SNX8: variants seen among roughly 807,000 people sequenced by gnomAD.
SNX8 encodes sorting nexin-8.
SNX8 carries 25 observed loss-of-function variants against 51.6 expected under a neutral mutation model. The ratio of observed to expected loss-of-function variants is 0.48; its 90% CI spans 0.35 to 0.68. The LOEUF (loss-of-function observed/expected upper bound fraction) is 0.68, where lower values mean the gene tolerates loss of function less well. Among genes scored for constraint, SNX8 ranks in the 30% least tolerant of loss-of-function variants. SNX8 has a pLI of 0.00. For synonymous variants in SNX8, 324 were observed against 277.0 expected, an observed-to-expected ratio of 1.17 and a Z score of -1.68; for missense variants, 695 against 624.0, an observed-to-expected ratio of 1.11 and a Z score of -1.21.
chr7:2,267,574 G>A (rs1321265925), intron 5 of SNX8, among the ~76,000 whole-genome samples: 3 of 138,922 alleles, frequency 2.2e-5, no homozygotes, highest in South Asian at 2.5e-4. Context: ...TCGGCCTCCC[G>A]AGGTGCCGGG....
chr7:2,296,529 G>T (rs1584714672), intron 1 of SNX8, among the ~76,000 whole-genome samples: 1 of 151,986 alleles, frequency 6.6e-6, no homozygotes, highest in Non-Finnish European at 1.5e-5. Flanking sequence ...AGCAAACAGA[G>T]ATAGTTTGAC....
chr7:2,283,964 T>G (rs1237727135), intron 1 of SNX8, among the ~76,000 whole-genome samples: 1 of 152,118 alleles, frequency 6.6e-6, no homozygotes, highest in Admixed American at 6.6e-5. Context: ...CCTGGCTAAT[T>G]TTGCATTTTT....
chr7:2,342,896 C>T (rs1297523731), intron 1 of SNX8, among the ~76,000 whole-genome samples: 2 of 151,806 alleles, frequency 1.3e-5, no homozygotes, highest in African/African-American at 2.4e-5. Context: ...GATCTCGGCT[C>T]GCTGCAAGCT....
chr7:2,304,985 C>T (rs1377300205), intron 1 of SNX8, among the ~76,000 whole-genome samples: 2 of 152,212 alleles, frequency 1.3e-5, no homozygotes, highest in East Asian at 1.9e-4. Flanking sequence ...GGCCAGAGAG[C>T]TGCTTTTGGC....
intron 1 of SNX8, among the ~76,000 whole-genome samples, chr7:2,332,587 C>G (rs1222342444): frequency 1.3e-5 from 2 of 151,916 alleles, no homozygotes; most frequent in Admixed American, 6.6e-5. Context: ...GACCCCATCT[C>G]TACCAAAAAT....
chr7:2,302,915 T>C (rs1426644784), intron 1 of SNX8, among the ~76,000 whole-genome samples: 8 of 123,000 alleles, frequency 6.5e-5, no homozygotes, highest in East Asian at 2.8e-4. Context: ...GCAGCCGCCC[T>C]GTCTGAGAAG....
chr7:2,342,657 A>C (rs968924553), intron 1 of SNX8, among the ~76,000 whole-genome samples: 49 of 144,024 alleles, frequency 3.4e-4, no homozygotes, highest in African/African-American at 1.3e-3. Context: ...CCATCTCCCA[A>C]AAAAAAAAAA....
intron 1 of SNX8, among the ~76,000 whole-genome samples, chr7:2,342,722 A>G (rs912704949): frequency 1.3e-5 from 2 of 152,120 alleles, no homozygotes; most frequent in African/African-American, 4.8e-5. Flanking sequence ...ATGAGAGAAG[A>G]CAGAGTAACT....
intron 1 of SNX8, among the ~76,000 whole-genome samples, chr7:2,352,727 T>C (rs754565260): frequency 1.3e-5 from 2 of 151,938 alleles, no homozygotes; most frequent in Non-Finnish European, 2.9e-5. Flanking sequence ...TCCCAGCTAC[T>C]TGGGAGGCTG....
At chr7:2,273,277 C>T (rs150792937) in intron 3 of SNX8, among the ~76,000 whole-genome samples, 265 of 151,960 alleles carry the variant, frequency 1.7e-3, no homozygotes, top group African/African-American at 5.9e-3. Flanking sequence ...TAGCGAAACC[C>T]TGTCTCTGAA....
chr7:2,300,361 C>T (rs1416660236), intron 1 of SNX8, among the ~76,000 whole-genome samples: 2 of 152,200 alleles, frequency 1.3e-5, no homozygotes, highest in African/African-American at 4.8e-5. Context: ...ACTGTCTACA[C>T]CCAGTTGTCC....
rs758431343 is a variant in SNX8 at position 2,263,369 on chromosome 7, G to A, written c.783-7C>T. ...CGTGTCAGACCCTATTGCACTGAGG[G>A]AGCAAGCACACAGGAGAGGAGACAC... On this transcript the variant is annotated splice_region_variant and splice_polypyrimidine_tract_variant and intron_variant, in intron 6 of 10. Transcript: ENST00000222990. The A allele has an allele frequency of 1.9e-6, 3 of 1,588,252 alleles. No individual in the cohort carries two copies. Among genetic ancestry groups the A allele is most frequent in the East Asian group, 4.6e-5 (2 of 43,670 alleles).
intron 5 of SNX8, among the ~76,000 whole-genome samples, chr7:2,268,472 G>A (rs576722117): frequency 1.7e-4 from 23 of 137,884 alleles, no homozygotes; most frequent in East Asian, 4.6e-4. Flanking sequence ...CCCCCCGCCC[G>A]GCCAGCCGCC....
chr7:2,318,008 T>TC (rs1796782687), upstream of SNX8, among the ~76,000 whole-genome samples: 1 of 152,168 alleles, frequency 6.6e-6, no homozygotes, highest in Non-Finnish European at 1.5e-5. Flanking sequence ...CTCAGCACTT[T>TC]CCCTGTGCCA....
In SNX8 at chr7:2,336,545, A is replaced by G. The variant is rs1054952358; in HGVS notation, c.-66+17677T>C. ...AACGCAGTGAAATCCCTTCTCTACTAAAAATACAAAAAATTAGCTGGGCAT... is the reference window on the plus strand; with the variant it reads ...AACGCAGTGAAATCCCTTCTCTACTGAAAATACAAAAAATTAGCTGGGCAT... On this transcript the variant is annotated intron_variant, in intron 1 of 5. Transcript: ENST00000435336. Among the ~76,000 whole-genome samples, 25 of 151,998 alleles carry G rather than the reference A, an allele frequency of 1.6e-4. No individual in the cohort carries two copies. The East Asian group carries it at 3.5e-3, about 21-fold the overall frequency.
chr7:2,305,617 G>A (rs1796528022), intron 1 of SNX8, among the ~76,000 whole-genome samples: 1 of 152,064 alleles, frequency 6.6e-6, no homozygotes, highest in African/African-American at 2.4e-5. Context: ...GCCTGCCTCG[G>A]CCTCCCTAAG....
intron 1 of SNX8, among the ~76,000 whole-genome samples, chr7:2,294,569 T>C (rs776339982): frequency 6.6e-6 from 1 of 152,190 alleles, no homozygotes; most frequent in Non-Finnish European, 1.5e-5. Context: ...GCAAGGTGGC[T>C]GGGGGGACAG....
chr7:2,338,380 T>A (rs1227526026), intron 1 of SNX8, among the ~76,000 whole-genome samples: 2 of 150,950 alleles, frequency 1.3e-5, no homozygotes, highest in African/African-American at 4.9e-5. Flanking sequence ...GAGAATGGCA[T>A]GAACCCGGGA....
intron 1 of SNX8, among the ~76,000 whole-genome samples, chr7:2,302,225 G>A (rs2115186378): frequency 6.6e-6 from 1 of 152,358 alleles, no homozygotes; most frequent in Non-Finnish European, 1.5e-5. Flanking sequence ...GCCTCAGCCT[G>A]CCGAGTGCCT....
Sources: allele counts gnomAD v4.1 joint callset (sites outside exome capture counted in the v4.1 genomes callset), GRCh38; gene constraint gnomAD v4.1.1; transcripts MANE v1.5; gene names NCBI Gene and HGNC (gene_info 2026-07-23, HGNC 2026-07-21).